The following NHS variants were observed in gnomAD, a reference collection of about 807,000 sequenced individuals.
NHS encodes actin remodeling regulator NHS.
In NHS, 5 loss-of-function variants were observed where a neutral mutation model predicts 72.5. That is an observed-to-expected ratio of 0.07 (90% CI 0.04 to 0.14). NHS has a LOEUF of 0.14. Among genes scored for constraint, NHS ranks in the 10% least tolerant of loss-of-function variants. The probability of loss-of-function intolerance (pLI) is 1.00; values close to 1 mark genes in which losing one functional copy is unlikely to be tolerated. For synonymous variants in NHS, 464 were observed against 547.7 expected (o/e 0.85, Z 2.13); for missense variants, 1,072 against 1,355.7 (o/e 0.79, Z 3.29).
intron 1 of NHS, among the ~76,000 whole-genome samples, chrX:17,642,375 T>G (rs945246047): frequency 1.8e-5 from 2 of 112,250 alleles, no homozygotes; most frequent in Non-Finnish European, 1.9e-5. Context: ...TAAGTGGTTG[T>G]AGTTGTTGTC....
chrX:17,485,468 G>C (rs1355094449), intron 1 of NHS, among the ~76,000 whole-genome samples: 1 of 112,145 alleles, frequency 8.9e-6, no homozygotes, highest in East Asian at 2.8e-4. Flanking sequence ...CAGTGTGGGT[G>C]AAACAGCTTC....
At chrX:17,649,187 A>G (rs1464441507) in intron 1 of NHS, among the ~76,000 whole-genome samples, 1 of 112,280 alleles carries the variant, frequency 8.9e-6, no homozygotes, top group Non-Finnish European at 1.9e-5. Context: ...TTGCAAACAT[A>G]AACTTACAGT....
intron 3 of NHS, among the ~76,000 whole-genome samples, chrX:17,715,717 T>C (rs2066360909): frequency 9.0e-6 from 1 of 111,162 alleles, no homozygotes; most frequent in Admixed American, 9.6e-5. Context: ...CTAGTACCCA[T>C]TAGTTATTTT....
intron 1 of NHS, among the ~76,000 whole-genome samples, chrX:17,619,978 G>T (rs2065765039): frequency 9.1e-6 from 1 of 110,471 alleles, no homozygotes; most frequent in African/African-American, 3.4e-5. Flanking sequence ...ACTTGGCTCA[G>T]TGTTGTGTCC....
At chrX:17,383,731 A>T (rs2064391539) in intron 1 of NHS, among the ~76,000 whole-genome samples, 1 of 111,587 alleles carries the variant, frequency 9.0e-6, no homozygotes, top group Non-Finnish European at 1.9e-5. Context: ...TACATTGGGG[A>T]TTATAATTCA....
chrX:17,636,908 G>C (rs972481194), intron 1 of NHS, among the ~76,000 whole-genome samples: 7 of 112,083 alleles, frequency 6.2e-5, no homozygotes, highest in African/African-American at 2.3e-4. Context: ...TCAAATGCAA[G>C]TCCCTAATAT....
In NHS at chrX:17,640,680, T is replaced by A. The variant is rs182918776; in HGVS notation, c.566-47062T>A. The stretch of plus-strand genomic sequence containing the variant: ...TCTCACCACCTTGTCTTTGTGTTAA[T>A]GCTTGCCATGGATGACATTTGGCCA... On this transcript the variant is annotated intron_variant, in intron 1 of 8. Coordinates refer to ENST00000676302, the MANE Select transcript of NHS (RefSeq NM_001291867.2). Among the ~76,000 whole-genome samples the A allele has an allele frequency of 2.1e-3, 238 of 112,689 alleles. 1 individual carries two copies. The Middle Eastern group carries it at 0.028, about 13-fold the overall frequency.
intron 1 of NHS, among the ~76,000 whole-genome samples, chrX:17,521,001 G>A (rs1311035201): frequency 1.8e-5 from 2 of 111,339 alleles, no homozygotes; most frequent in African/African-American, 3.3e-5. Flanking sequence ...TGGCTGGCTC[G>A]CACGCACAGT....
At chrX:17,413,618 T>C in intron 1 of NHS, among the ~76,000 whole-genome samples, 1 of 112,469 alleles carries the variant, frequency 8.9e-6, no homozygotes, top group East Asian at 2.8e-4. Context: ...ATCATGCTTT[T>C]CCAAAGGCGA....
At chrX:17,721,136 A>C (rs2066403684) in intron 4 of NHS, among the ~76,000 whole-genome samples, 1 of 112,100 alleles carries the variant, frequency 8.9e-6, no homozygotes, top group Non-Finnish European at 1.9e-5. Flanking sequence ...TCTGTCTTTC[A>C]TTGGAGTAAA....
rs1380374776 is a variant in NHS, at chrX:17,725,659, A to G, written c.1553A>G (p.Glu518Gly). Residue 518 changes from glutamate to glycine, a missense_variant, in exon 7 of 9, where the codon GAG (glutamate) becomes GGG (glycine). Transcript: ENST00000676302. ...GAAGGTAATAGAGGTGGGGATGCTGAGCCCAAAGTTGGCGCTAAACCCTCA... is the reference window on the plus strand; with the variant it reads ...GAAGGTAATAGAGGTGGGGATGCTGGGCCCAAAGTTGGCGCTAAACCCTCA... Reference protein sequence around the residue: ...PREGNRGGDAEPKVGAKPSAY... With the variant: ...PREGNRGGDAGPKVGAKPSAY... 2.5e-6 allele frequency: 3 copies of G among 1,209,270 alleles called. No homozygotes were observed. Among genetic ancestry groups the G allele is most frequent in the Non-Finnish European group, 3.4e-6 (3 of 895,136 alleles).
At chrX:17,619,033 C>T (rs1170215448) in intron 1 of NHS, among the ~76,000 whole-genome samples, 2 of 112,195 alleles carry the variant, frequency 1.8e-5, no homozygotes, top group Non-Finnish European at 3.8e-5. Flanking sequence ...TCTTTTTGTT[C>T]TGGACACACA....
chrX:17,422,910 A>G (rs941486946), intron 1 of NHS, among the ~76,000 whole-genome samples: 2 of 112,029 alleles, frequency 1.8e-5, no homozygotes, highest in Non-Finnish European at 3.8e-5. Context: ...AGAAATTGGT[A>G]AGATTTGATG....
intron 1 of NHS, among the ~76,000 whole-genome samples, chrX:17,551,856 T>C (rs972647142): frequency 8.9e-6 from 1 of 112,048 alleles, no homozygotes; most frequent in East Asian, 2.8e-4. Flanking sequence ...TTGTAATCAC[T>C]GCAGCCGTTC....
chrX:17,376,201 C>A lies in NHS; in HGVS notation c.444C>A (p.Ser148Arg). The A allele has an allele frequency of 8.4e-7, 1 of 1,190,473 alleles. No homozygotes were observed. Among genetic ancestry groups the A allele is most frequent in the Non-Finnish European group, 1.1e-6 (1 of 890,736 alleles). Residue 148 changes from serine to arginine, a missense_variant, in exon 1 of 9, where the codon AGC (serine) becomes AGA (arginine). Ser to Arg is a moderately radical substitution (Grantham distance 110, BLOSUM62 -1). Coordinates refer to ENST00000676302, the MANE Select transcript of NHS (RefSeq NM_001291867.2). ...QLSDVARHAC[S>R]LFQELESDIQ... ...CGGACGTGGCCCGGCACGCTTGCAG[C>A]CTCTTCCAGGAGCTCGAGAGCGACA... is the stretch of plus-strand genomic sequence containing the variant.
chrX:17,729,901 C>G (rs771918743), intron 8 of NHS, among the ~76,000 whole-genome samples: 1 of 112,285 alleles, frequency 8.9e-6, no homozygotes, highest in Non-Finnish European at 1.9e-5. Flanking sequence ...AAGCAGCTTA[C>G]AATCTTTTTC....
intron 1 of NHS, among the ~76,000 whole-genome samples, chrX:17,566,755 G>T (rs754041926): frequency 9.2e-6 from 1 of 108,520 alleles, no homozygotes; most frequent in East Asian, 2.9e-4. Flanking sequence ...TTGCTTATCT[G>T]ATCCGTTACA....
At chrX:17,664,815 G>C (rs1274020218) in intron 1 of NHS, among the ~76,000 whole-genome samples, 1 of 111,555 alleles carries the variant, frequency 9.0e-6, no homozygotes, top group Non-Finnish European at 1.9e-5. Flanking sequence ...TTTTAACAAT[G>C]TTGTATCTTC....
rs185874477 is a variant in NHS at position 17,620,518 on chromosome X, C to T, written c.566-67224C>T. On this transcript the variant is annotated intron_variant, in intron 1 of 8. Transcript: ENST00000676302. ...GTGCACAAGACAGAATGAACCAGCT[C>T]TCAAGAAGGCAACAGTTGAGTGGTA... Among the ~76,000 whole-genome samples the T allele has an allele frequency of 7.8e-4, 85 of 109,515 alleles. 1 individual carries two copies. The highest frequency in any genetic ancestry group is 9.0e-4 in the African/African-American group (27 of 30,010).
Sources: allele counts gnomAD v4.1 joint callset (sites outside exome capture counted in the v4.1 genomes callset), GRCh38; gene constraint gnomAD v4.1.1; transcripts MANE v1.5; gene names NCBI Gene and HGNC (gene_info 2026-07-23, HGNC 2026-07-21).